Variants in CEP83 observed in about 807,000 individuals in gnomAD.
The protein encoded by CEP83 is centrosomal protein of 83 kDa.
A neutral mutation model predicts 101.9 loss-of-function variants in CEP83; 70 were observed. The ratio of observed to expected loss-of-function variants is 0.69; its 90% CI spans 0.57 to 0.84. CEP83 has a LOEUF of 0.84. Ranked by LOEUF, CEP83 falls within the 40% of genes least tolerant of loss-of-function variation. CEP83 has a pLI of 0.00. For missense variants in CEP83, 715 were observed against 787.2 expected, an observed-to-expected ratio of 0.91 and a Z score of 1.10; for synonymous variants, 264 against 267.9, an observed-to-expected ratio of 0.99 and a Z score of 0.14.
chr12:94,303,732 CT>C (rs201354613), downstream of CEP83: 185,726 of 815,406 alleles, frequency 0.23, 259 homozygotes, highest in Middle Eastern at 0.29. Context: ...GTGATGGTTG[CT>C]TTTTTTTTTT....
chr12:94,426,995 T>C lies in CEP83; in HGVS notation c.-102+8280A>G, dbSNP rs549612181. On this transcript the variant is annotated intron_variant, in intron 2 of 16. Transcript: ENST00000397809. The stretch of plus-strand genomic sequence containing the variant: ...TTGAAAGAATAATTTTTTTGTTGTT[T>C]TGAGACACCTATTATATGGTAATTT... Among the ~76,000 whole-genome samples the C allele has an allele frequency of 7.9e-5, 12 of 152,358 alleles. No homozygotes were observed. In the South Asian group the frequency reaches 2.3e-3, roughly 29 times the overall value.
At chr12:94,349,103 T>A (rs1387512842) in intron 11 of CEP83, among the ~76,000 whole-genome samples, 1 of 151,838 alleles carries the variant, frequency 6.6e-6, no homozygotes, top group Non-Finnish European at 1.5e-5. Flanking sequence ...CTGGCCAACA[T>A]AGTGAAACAC....
At chr12:94,397,846 T>C (rs1210120336) in intron 6 of CEP83, among the ~76,000 whole-genome samples, 1 of 152,208 alleles carries the variant, frequency 6.6e-6, no homozygotes, top group African/African-American at 2.4e-5. Flanking sequence ...TCTATCATAA[T>C]TATGGATTCA....
intron 11 of CEP83, among the ~76,000 whole-genome samples, chr12:94,364,655 T>A (rs2136974231): frequency 6.6e-6 from 1 of 152,124 alleles, no homozygotes; most frequent in South Asian, 2.1e-4. Context: ...AAAATTTTTT[T>A]AATGTAAAAT....
At chr12:94,283,422 C>T in the CEP83 span, among the ~76,000 whole-genome samples, 1 of 152,208 alleles carries the variant, frequency 6.6e-6, no homozygotes, top group African/African-American at 2.4e-5. Context: ...GAAGTACTTA[C>T]ACCACACCAG....
At chr12:94,418,901 A>G (rs1488299861) in intron 2 of CEP83, among the ~76,000 whole-genome samples, 1 of 152,180 alleles carries the variant, frequency 6.6e-6, no homozygotes, top group East Asian at 1.9e-4. Flanking sequence ...GTGTATATAA[A>G]AAGAGTATTT....
upstream of CEP83, chr12:94,460,313 C>G (rs2068054038): frequency 6.5e-6 from 1 of 152,926 alleles, no homozygotes; most frequent in South Asian, 2.1e-4. Flanking sequence ...TTCCCTCTTC[C>G]CCACACCATT....
the CEP83 span, among the ~76,000 whole-genome samples, chr12:94,292,905 C>T: frequency 6.2e-4 from 94 of 152,180 alleles, no homozygotes; most frequent in Admixed American, 1.6e-3. Context: ...AAATTATAAG[C>T]GTACTGCTGG....
intron 1 of CEP83, among the ~76,000 whole-genome samples, chr12:94,455,333 G>A (rs1297440064): frequency 5.3e-5 from 8 of 152,170 alleles, no homozygotes; most frequent in Non-Finnish European, 7.4e-5. Flanking sequence ...AACTTCATCA[G>A]GAAAATCCCT....
intron 14 of CEP83, among the ~76,000 whole-genome samples, chr12:94,324,244 AGTGAAGC>A (rs1350102042): frequency 6.6e-6 from 1 of 152,256 alleles, no homozygotes; most frequent in Non-Finnish European, 1.5e-5. Flanking sequence ...ATAATTTACC[AGTGAAGC>A]CAAATGAGGC....
chr12:94,340,728 C>T (rs375323292), intron 11 of CEP83, among the ~76,000 whole-genome samples: 5 of 152,336 alleles, frequency 3.3e-5, no homozygotes, highest in East Asian at 1.9e-4. Context: ...TGAGCCACCA[C>T]GCCCAGCCTC....
chr12:94,451,313 C>T (rs2067233923), intron 1 of CEP83, among the ~76,000 whole-genome samples: 1 of 152,000 alleles, frequency 6.6e-6, no homozygotes, highest in Admixed American at 6.6e-5. Context: ...GAAATGACTT[C>T]ATTAAAAACT....
At chr12:94,287,505 A>G in the CEP83 span, among the ~76,000 whole-genome samples, 1 of 152,210 alleles carries the variant, frequency 6.6e-6, no homozygotes, top group Non-Finnish European at 1.5e-5. Context: ...GCTATGGAGT[A>G]GTGGCGAGTG....
At chr12:94,274,155 T>TAAA in the CEP83 span, among the ~76,000 whole-genome samples, 1,656 of 45,352 alleles carry the variant, frequency 0.037, 63 homozygotes, top group South Asian at 0.044. Flanking sequence ...ACCCTGTCTC[T>TAAA]AAAAAAAAAA....
intron 11 of CEP83, among the ~76,000 whole-genome samples, chr12:94,366,761 G>T (rs1318027366): frequency 6.6e-6 from 1 of 152,084 alleles, no homozygotes; most frequent in Admixed American, 6.6e-5. Flanking sequence ...AATTAAAAAG[G>T]AATCAAAGCA....
chr12:94,402,170 T>C (rs1258070318), intron 5 of CEP83: 1 of 152,188 alleles, frequency 6.6e-6, no homozygotes, highest in Non-Finnish European at 1.5e-5. Flanking sequence ...CAACCTGAAG[T>C]AAAACTGTAA....
intron 1 of CEP83, among the ~76,000 whole-genome samples, chr12:94,436,995 T>C (rs943318035): frequency 1.3e-5 from 2 of 152,052 alleles, no homozygotes; most frequent in Admixed American, 1.3e-4. Context: ...GGAAACTATT[T>C]GAGGGAATAA....
intron 4 of CEP83, among the ~76,000 whole-genome samples, chr12:94,404,926 T>C (rs1428448654): frequency 1.3e-5 from 2 of 152,190 alleles, no homozygotes; most frequent in East Asian, 1.9e-4. Flanking sequence ...ACCTTATTTA[T>C]TGAAGGTTTT....
At chr12:94,384,441 G>A (rs2062020503) in intron 6 of CEP83, among the ~76,000 whole-genome samples, 1 of 152,012 alleles carries the variant, frequency 6.6e-6, no homozygotes, top group Non-Finnish European at 1.5e-5. Flanking sequence ...CTACATGTTT[G>A]TGCCTTTACC....
Sources: gnomAD v4.1 joint callset for allele counts (sites outside exome capture counted in the v4.1 genomes callset) on GRCh38, gnomAD v4.1.1 for gene constraint, MANE v1.5 for transcripts, NCBI Gene and HGNC (gene_info 2026-07-23, HGNC 2026-07-21) for gene names.